The following IPO11 variants were observed in gnomAD, a reference collection of about 807,000 sequenced individuals.
IPO11 encodes importin 11.
In IPO11, 66 loss-of-function variants were observed where a neutral mutation model predicts 143.2. The observed-to-expected ratio is 0.46, with a 90% CI of 0.38 to 0.57. The LOEUF (loss-of-function observed/expected upper bound fraction) is 0.57. IPO11 is among the 20% of genes least tolerant of loss of function. The probability of loss-of-function intolerance (pLI) is 0.00; values close to 1 mark genes in which losing one functional copy is unlikely to be tolerated. For synonymous variants in IPO11, 385 were observed against 377.8 expected, an observed-to-expected ratio of 1.02 and a Z score of -0.22; for missense variants, 1,026 against 1,141.0, an observed-to-expected ratio of 0.90 and a Z score of 1.45.
chr5:62,591,270 A>G (rs1310155559), intron 27 of IPO11, among the ~76,000 whole-genome samples: 1 of 152,006 alleles, frequency 6.6e-6, no homozygotes, highest in African/African-American at 2.4e-5. Flanking sequence ...ACTTGTCAAT[A>G]CTCTATGTCT....
chr5:62,514,699 A>G (rs1741943589), intron 19 of IPO11, among the ~76,000 whole-genome samples: 1 of 152,248 alleles, frequency 6.6e-6, no homozygotes, highest in Non-Finnish European at 1.5e-5. Context: ...TACTCAGCTT[A>G]TAGCAATCTC....
chr5:62,531,764 T>C (rs188233792), intron 22 of IPO11, among the ~76,000 whole-genome samples: 142 of 152,328 alleles, frequency 9.3e-4, no homozygotes, highest in African/African-American at 3.4e-3. Context: ...TTAGATAATG[T>C]GATTAGTTCT....
chr5:62,571,914 G>A (rs974338668), intron 27 of IPO11, among the ~76,000 whole-genome samples: 1 of 152,104 alleles, frequency 6.6e-6, no homozygotes, highest in Non-Finnish European at 1.5e-5. Context: ...TTCAACTCCT[G>A]ACCTCAGGTG....
intron 1 of IPO11, among the ~76,000 whole-genome samples, chr5:62,425,688 A>G (rs1354678623): frequency 1.3e-5 from 2 of 152,220 alleles, no homozygotes; most frequent in African/African-American, 4.8e-5. Context: ...GAAAGAAGCA[A>G]GTTGATGTGG....
intron 22 of IPO11, among the ~76,000 whole-genome samples, chr5:62,531,865 T>C (rs369931072): frequency 1.1e-4 from 16 of 152,314 alleles, no homozygotes; most frequent in African/African-American, 3.8e-4. Flanking sequence ...TGCTCTTTGT[T>C]ATCTAGAGTC....
chr5:62,470,794 A>G (rs992944975), intron 7 of IPO11, among the ~76,000 whole-genome samples: 1 of 134,910 alleles, frequency 7.4e-6, no homozygotes, highest in South Asian at 2.4e-4. Context: ...ATATATATTC[A>G]TTGTCTGTAG....
chr5:62,591,806 T>A, intron 28 of IPO11, 134 bp downstream of exon 28: 2 of 529,972 alleles, frequency 3.8e-6, no homozygotes, highest in Admixed American at 4.1e-5. Context: ...GAAACGTTTT[T>A]GTTATTTTGC....
intron 1 of IPO11, among the ~76,000 whole-genome samples, chr5:62,430,931 G>A (rs767539224): frequency 1.3e-5 from 2 of 151,460 alleles, no homozygotes; most frequent in Non-Finnish European, 2.9e-5. Flanking sequence ...TCCCGCCTCA[G>A]CCTCCAAAAA....
At chr5:62,558,026 T>G (rs1435332342) in intron 26 of IPO11, among the ~76,000 whole-genome samples, 1 of 152,226 alleles carries the variant, frequency 6.6e-6, no homozygotes, top group African/African-American at 2.4e-5. Flanking sequence ...GTACTGTGGT[T>G]TTAAAAGTGT....
At chr5:62,420,502 A>G (rs1190811630) in intron 1 of IPO11, among the ~76,000 whole-genome samples, 2 of 151,906 alleles carry the variant, frequency 1.3e-5, no homozygotes, top group Non-Finnish European at 2.9e-5. Context: ...TGATGTCACT[A>G]TGTGATAGGA....
chr5:62,578,792 TAAAAAA>T, intron 27 of IPO11: 5 of 338,710 alleles, frequency 1.5e-5, no homozygotes, highest in Admixed American at 3.9e-5. Flanking sequence ...AACGGTGACT[TAAAAAA>T]AAAAAAAAAA....
intron 29 of IPO11, among the ~76,000 whole-genome samples, chr5:62,617,939 G>T (rs1746202377): frequency 6.6e-6 from 1 of 152,076 alleles, no homozygotes; most frequent in Admixed American, 6.5e-5. Flanking sequence ...TGGTAGTCTT[G>T]TGAGCCTATG....
chr5:62,504,595 A>AT (rs1204094242), intron 16 of IPO11, 72 bp from the exon 17 acceptor site: 2 of 869,654 alleles, frequency 2.3e-6, no homozygotes, highest in Admixed American at 2.9e-5. Flanking sequence ...TTGGAATAAA[A>AT]TTTTTTGTTT....
intron 6 of IPO11, 118 bp from the exon 7 acceptor site, chr5:62,470,131 CT>C (rs915824033): frequency 3.3e-6 from 3 of 919,508 alleles, no homozygotes; most frequent in Non-Finnish European, 3.4e-6. Flanking sequence ...CAGGAGTTAA[CT>C]TTCCAACCCA....
intron 20 of IPO11, among the ~76,000 whole-genome samples, 198 bp downstream of exon 20, chr5:62,515,699 T>C (rs900667098): frequency 6.6e-6 from 1 of 152,200 alleles, no homozygotes; most frequent in Non-Finnish European, 1.5e-5. Context: ...TTTTTGAGGA[T>C]GTAAAAAATA....
intron 27 of IPO11, among the ~76,000 whole-genome samples, chr5:62,590,813 C>T (rs1580360573): frequency 1.3e-5 from 2 of 151,974 alleles, no homozygotes; most frequent in South Asian, 4.2e-4. Flanking sequence ...TTTGAATTTC[C>T]CTAATGCCTA....
chr5:62,514,775 G>T (rs1360551272), intron 19 of IPO11, among the ~76,000 whole-genome samples: 2 of 152,326 alleles, frequency 1.3e-5, no homozygotes, highest in South Asian at 4.1e-4. Context: ...AGAAACTACT[G>T]TCAGACTGAG....
At position 62,426,596 on chromosome 5, in the gene IPO11, T is replaced by C. The variant is rs184576358; in HGVS notation, c.-6-10678T>C. ...GAAAGGAAGAGAAATAAAGCAAATA[T>C]CTAATTCCTATGGAAATTTAAGCAG... On this transcript the variant is annotated intron_variant, in intron 1 of 29. Transcript: ENST00000325324. Among the ~76,000 whole-genome samples the C allele has an allele frequency of 2.5e-3, 374 of 152,214 alleles. 3 individuals are homozygous for C. The highest frequency in any genetic ancestry group is 8.7e-3 in the African/African-American group (361 of 41,536).
intron 22 of IPO11, among the ~76,000 whole-genome samples, chr5:62,534,416 CT>C (rs1742667319): frequency 6.6e-6 from 1 of 152,090 alleles, no homozygotes; most frequent in Non-Finnish European, 1.5e-5. Context: ...AATTCACTCC[CT>C]TTCCTCCTTA....
Sources: gnomAD v4.1 joint callset for allele counts (sites outside exome capture counted in the v4.1 genomes callset) on GRCh38, gnomAD v4.1.1 for gene constraint, MANE v1.5 for transcripts, NCBI Gene and HGNC (gene_info 2026-07-23, HGNC 2026-07-21) for gene names.